SLC12A7: variants seen among roughly 807,000 people sequenced by gnomAD.
The protein encoded by SLC12A7 is solute carrier family 12 member 7, also known as K-Cl cotransporter 4.
A neutral mutation model predicts 120.6 loss-of-function variants in SLC12A7; 100 were observed. That is an observed-to-expected ratio of 0.83 (90% CI 0.71 to 0.98). The LOEUF is 0.98. Ranked by LOEUF, SLC12A7 falls within the 50% of genes least tolerant of loss-of-function variation. The pLI is 0.00. For missense variants in SLC12A7, 1,373 were observed against 1,548.1 expected, an observed-to-expected ratio of 0.89 and a Z score of 1.90; for synonymous variants, 760 against 678.0, an observed-to-expected ratio of 1.12 and a Z score of -1.88.
rs752868846 is a variant in SLC12A7 at position 1,085,468 on chromosome 5, G to A, written c.681C>T (p.Tyr227=). 1 of 1,604,918 alleles carries A rather than the reference G, an allele frequency of 6.2e-7. No homozygotes were observed. The highest frequency in any genetic ancestry group is 8.5e-7 in the Non-Finnish European group (1 of 1,176,174). The change falls in exon 7 of 24, where the codon TAC becomes TAT. Residue 227 remains tyrosine (Y), a synonymous_variant. Coordinates refer to ENST00000264930, the MANE Select transcript of SLC12A7 (RefSeq NM_006598.3). ...ILGTIEIFLT[Y]ISPGAAIFQA... ...GGAAGATGGCCGCACCCGGGGAGAT[G>A]TACGTCTGTGGGAACAAGGCCGGTC...
chr5:1,107,740 C>T (rs764400586), intron 1 of SLC12A7, among the ~76,000 whole-genome samples: 2 of 152,184 alleles, frequency 1.3e-5, no homozygotes, highest in Admixed American at 6.5e-5. Context: ...AGAAAACCAC[C>T]GTGGAATCCG....
rs1740772244 is a variant in SLC12A7 at position 1,093,571 on chromosome 5, G to C, written c.304C>G (p.His102Asp). Residue 102 changes from histidine (H) to aspartate (D), a missense_variant, in exon 3 of 24, where the codon CAC becomes GAC. His to Asp is a moderately conservative substitution (Grantham distance 81). Coordinates refer to ENST00000264930, the MANE Select transcript of SLC12A7 (RefSeq NM_006598.3). ...YTNLSQGVVE[H>D]EEDEESRRRE... ...CGCCGGCTCTCCTCGTCCTCCTCGT[G>C]CTCCACCACGCCCTGGCTCAGGTTG... 1 of 1,608,970 alleles carries C rather than the reference G, an allele frequency of 6.2e-7. No individual in the cohort carries two copies. The highest frequency in any genetic ancestry group is 1.7e-5 in the Admixed American group (1 of 59,472).
the SLC12A7 span, among the ~76,000 whole-genome samples, chr5:1,136,270 C>G: frequency 0.13 from 19,260 of 151,114 alleles, 1,473 homozygotes; most frequent in Middle Eastern, 0.22. Context: ...CACGACTCCT[C>G]CTGACACCCA....
rs375823852 is a variant in SLC12A7, at chr5:1,052,390, G to T, written c.3222C>A (p.Gly1074=). Residue 1074 remains glycine (G), a synonymous_variant, in exon 24 of 24, where the codon GGC becomes GGA. Coordinates refer to ENST00000264930, the MANE Select transcript of SLC12A7 (RefSeq NM_006598.3). The part of the protein sequence containing the change: ...GLNRVLLVRG[G]GREVITIYS Reference sequence around the variant, plus strand: ...AGTAGATGGTGATCACCTCCCGGCCGCCACCCCTGACCAGGAGGACTCTGT... The same window carrying T: ...AGTAGATGGTGATCACCTCCCGGCCTCCACCCCTGACCAGGAGGACTCTGT... 6.2e-7 allele frequency: 1 copy of T among 1,612,796 alleles called. No individual in the cohort carries two copies. Among genetic ancestry groups the T allele is most frequent in the Admixed American group, 1.7e-5 (1 of 60,016 alleles).
rs375637356 is a variant in SLC12A7, at chr5:1,064,167, G to A, written c.2523C>T (p.Phe841=). ...ACCACACGTCGATGTGGCCCCCGCC[G>A]AAGCGCTCCTGGTTTTGCGGAAACG... ...VDSFPQNQER[F]GGGHIDVWWI... is the part of the protein sequence containing the mutation. Residue 841 remains phenylalanine (F), a synonymous_variant, in exon 19 of 24, where the codon TTC becomes TTT. Coordinates refer to ENST00000264930, the MANE Select transcript of SLC12A7 (RefSeq NM_006598.3). 1.5e-4 allele frequency: 239 copies of A among 1,612,202 alleles called. No homozygotes were observed. Among genetic ancestry groups the A allele is most frequent in the African/African-American group, 6.4e-4 (48 of 74,918 alleles).
intron 1 of SLC12A7, among the ~76,000 whole-genome samples, chr5:1,104,913 G>A (rs1742363961): frequency 1.3e-5 from 2 of 152,236 alleles, no homozygotes; most frequent in South Asian, 4.1e-4. Context: ...TGCAACGGCA[G>A]CACACGCCCC....
chr5:1,092,391 C>A (rs888094639), intron 3 of SLC12A7, among the ~76,000 whole-genome samples: 1 of 152,166 alleles, frequency 6.6e-6, no homozygotes, highest in Non-Finnish European at 1.5e-5. Flanking sequence ...GGAGGTCACA[C>A]GCAGCAGGGG....
chr5:1,057,404 C>T (rs1735731186), intron 22 of SLC12A7, 67 bp downstream of exon 22: 1 of 1,496,720 alleles, frequency 6.7e-7, no homozygotes, highest in African/African-American at 1.4e-5. Flanking sequence ...GGAAGGGACT[C>T]TGTCCTCACT....
intron 9 of SLC12A7, among the ~76,000 whole-genome samples, chr5:1,080,079 C>T (rs1227146386): frequency 6.6e-6 from 1 of 152,158 alleles, no homozygotes; most frequent in Non-Finnish European, 1.5e-5. Flanking sequence ...ACCCATTGCT[C>T]GGGGTGGCCT....
the SLC12A7 span, among the ~76,000 whole-genome samples, chr5:1,123,713 C>T: frequency 1.1e-4 from 17 of 152,220 alleles, no homozygotes; most frequent in African/African-American, 3.6e-4. Context: ...GCCAAGGAGC[C>T]GGGATCGGGG....
the SLC12A7 span, among the ~76,000 whole-genome samples, chr5:1,142,531 G>A: frequency 9.7e-6 from 1 of 102,910 alleles, no homozygotes; most frequent in East Asian, 3.0e-4. Flanking sequence ...TCTCTTCCCT[G>A]TTCTCTGCTT....
chr5:1,064,739 G>T, intron 18 of SLC12A7, among the ~76,000 whole-genome samples: 1 of 127,026 alleles, frequency 7.9e-6, no homozygotes. Context: ...AAGGGACAGC[G>T]AGGGGACGGC....
At chr5:1,092,160 ATTTTGGAAATGC>A (rs1270591039) in intron 3 of SLC12A7, among the ~76,000 whole-genome samples, 1 of 152,272 alleles carries the variant, frequency 6.6e-6, no homozygotes, top group Non-Finnish European at 1.5e-5. Context: ...GTCTTCAAGT[ATTTTGGAAATGC>A]AGTATTAATT....
intron 17 of SLC12A7, among the ~76,000 whole-genome samples, chr5:1,069,311 C>T (rs557674325): frequency 2.0e-5 from 3 of 152,340 alleles, no homozygotes; most frequent in African/African-American, 7.2e-5. Context: ...TGCCCACAGC[C>T]CTCTTGAGCA....
Position 1,060,269 on chromosome 5 carries a change from G to T in SLC12A7, c.2847+75C>A, listed in dbSNP as rs535526270. 77 of 1,129,798 alleles carry T rather than the reference G, an allele frequency of 6.8e-5. No individual in the cohort carries two copies. In the Admixed American group the frequency reaches 8.9e-4, roughly 13 times the overall value. The allele number at this position is 1,129,798 out of a possible 1,614,324, so 70.0% of individuals were successfully genotyped here. The stretch of plus-strand genomic sequence containing the variant: ...GAGGACCCTCGTGGGCTGCAGGAGG[G>T]TCCCAGAAAAGACTCGGCGAAGTCG... On this transcript the variant is annotated intron_variant, in intron 21 of 23. Coordinates refer to ENST00000264930, the MANE Select transcript of SLC12A7 (RefSeq NM_006598.3).
intron 8 of SLC12A7, among the ~76,000 whole-genome samples, 186 bp from the exon 9 acceptor site, chr5:1,081,930 G>C (rs1011263624): frequency 6.6e-6 from 1 of 152,270 alleles, no homozygotes; most frequent in Non-Finnish European, 1.5e-5. Flanking sequence ...CTGCCTGTCT[G>C]CGTCTACGGA....
the SLC12A7 span, among the ~76,000 whole-genome samples, chr5:1,133,322 C>T: frequency 6.6e-6 from 1 of 152,202 alleles, no homozygotes. Context: ...TCCCCCCAAC[C>T]CCCCGACCTC....
In SLC12A7 at chr5:1,061,134, C is replaced by G. The variant is rs1736188827; in HGVS notation, c.2740-683G>C. On this transcript the variant is annotated intron_variant, in intron 20 of 23. Coordinates refer to ENST00000264930, the MANE Select transcript of SLC12A7 (RefSeq NM_006598.3). ...CCCACCGCACCCGCCGTGCGGGACCCCTGCGTCTCACCCGCCGCACCCGCC... is the reference window on the plus strand; with the variant it reads ...CCCACCGCACCCGCCGTGCGGGACCGCTGCGTCTCACCCGCCGCACCCGCC... Among the ~76,000 whole-genome samples, 4 of 40,024 alleles carry G rather than the reference C, an allele frequency of 1.0e-4. 1 individual carries two copies. The highest frequency in any genetic ancestry group is 1.6e-4 in the African/African-American group (4 of 24,468). 26.3% of individuals were successfully genotyped at this position (40,024 alleles called of 152,430 possible).
At chr5:1,134,378 G>A in the SLC12A7 span, among the ~76,000 whole-genome samples, 1 of 152,086 alleles carries the variant, frequency 6.6e-6, no homozygotes, top group South Asian at 2.1e-4. Flanking sequence ...GCTGAGGCAG[G>A]AGAATCACTT....
Sources: allele counts gnomAD v4.1 joint callset (sites outside exome capture counted in the v4.1 genomes callset), GRCh38; gene constraint gnomAD v4.1.1; transcripts MANE v1.5; gene names NCBI Gene and HGNC (gene_info 2026-07-23, HGNC 2026-07-21).